Variants in ZFAT observed in about 807,000 individuals in gnomAD.
The protein encoded by ZFAT is zinc finger protein ZFAT.
Under a neutral mutation model 117.7 loss-of-function variants are expected in ZFAT, and 64 were observed. That is an observed-to-expected ratio of 0.54 (90% confidence interval 0.44 to 0.67). ZFAT has a LOEUF of 0.67. Among genes scored for constraint, ZFAT ranks in the 30% least tolerant of loss-of-function variants. ZFAT has a pLI of 0.00. For missense variants in ZFAT, 1,433 were observed against 1,584.5 expected (o/e 0.90, Z 1.62); for synonymous variants, 679 against 615.0 (o/e 1.10, Z -1.54).
chr8:134,559,575 T>C (rs981532011), intron 11 of ZFAT, among the ~76,000 whole-genome samples: 1 of 152,242 alleles, frequency 6.6e-6, no homozygotes, highest in African/African-American at 2.4e-5. Flanking sequence ...GAAGAACACA[T>C]GCATTTGCAA....
At chr8:134,575,002 C>T (rs1283053840) in intron 10 of ZFAT, among the ~76,000 whole-genome samples, 1 of 151,816 alleles carries the variant, frequency 6.6e-6, no homozygotes, top group Non-Finnish European at 1.5e-5. Flanking sequence ...AAAAAAGTGA[C>T]TTAATCTTTC....
intron 15 of ZFAT, among the ~76,000 whole-genome samples, chr8:134,507,389 CATTT>C (rs1490184415): frequency 2.6e-5 from 4 of 152,160 alleles, no homozygotes; most frequent in Non-Finnish European, 5.9e-5. Context: ...TCCTCTCTGT[CATTT>C]ATCAACAGCC....
the ZFAT span, among the ~76,000 whole-genome samples, chr8:134,738,932 T>C: frequency 9.4e-3 from 1,435 of 152,290 alleles, 9 homozygotes; most frequent in Middle Eastern, 0.017. Flanking sequence ...TCCCTAGTCC[T>C]TTTAGGAAAC....
chr8:134,531,889 A>G (rs1821446830), intron 12 of ZFAT, among the ~76,000 whole-genome samples: 1 of 152,194 alleles, frequency 6.6e-6, no homozygotes, highest in Admixed American at 6.5e-5. Flanking sequence ...CGCTGAAACA[A>G]AACTCCAAGC....
chr8:134,821,127 C>G, the ZFAT span, among the ~76,000 whole-genome samples: 1 of 152,108 alleles, frequency 6.6e-6, no homozygotes, highest in South Asian at 2.1e-4. Context: ...GAAAACTGTG[C>G]TATTTTATAC....
chr8:134,624,380 G>A (rs1829351307), intron 3 of ZFAT, among the ~76,000 whole-genome samples: 1 of 151,530 alleles, frequency 6.6e-6, no homozygotes, highest in Admixed American at 6.6e-5. Flanking sequence ...CTGTGGCCGG[G>A]CATGGTGGTT....
intron 9 of ZFAT, among the ~76,000 whole-genome samples, chr8:134,585,997 G>A (rs142663282): frequency 2.6e-4 from 39 of 152,208 alleles, no homozygotes; most frequent in South Asian, 2.5e-3. Flanking sequence ...AATTTTTTGG[G>A]TTTTTAAATT....
At chr8:134,713,134 C>T (rs2131376464), upstream of ZFAT, 2 of 367,252 alleles carry the variant, frequency 5.4e-6, no homozygotes, top group East Asian at 4.1e-5. Context: ...CAGGGCCGAG[C>T]TAACGCGCAT....
At chr8:134,619,464 C>T (rs529422851) in intron 3 of ZFAT, among the ~76,000 whole-genome samples, 1 of 152,120 alleles carries the variant, frequency 6.6e-6, no homozygotes, top group African/African-American at 2.4e-5. Flanking sequence ...CTCACAAACA[C>T]ATCTCACACA....
At chr8:134,727,998 C>T in the ZFAT span, among the ~76,000 whole-genome samples, 48 of 152,180 alleles carry the variant, frequency 3.2e-4, no homozygotes, top group Non-Finnish European at 5.4e-4. Flanking sequence ...GTGCTCCTGT[C>T]TCCTGGTACT....
chr8:134,797,957 T>TG, the ZFAT span: 63 of 151,578 alleles, frequency 4.2e-4, 1 homozygote, highest in African/African-American at 1.4e-3. Flanking sequence ...TTGCATAATA[T>TG]GTTGCACTGA....
chr8:134,578,043 G>A (rs901014334), intron 10 of ZFAT, among the ~76,000 whole-genome samples: 18 of 151,798 alleles, frequency 1.2e-4, no homozygotes, highest in Non-Finnish European at 2.2e-4. Flanking sequence ...CAGACAGGGG[G>A]AAAGAACACT....
intron 12 of ZFAT, among the ~76,000 whole-genome samples, chr8:134,523,955 T>C (rs1257643001): frequency 6.6e-6 from 1 of 152,248 alleles, no homozygotes; most frequent in African/African-American, 2.4e-5. Context: ...ATCTTCATTG[T>C]CCTTTCTCCC....
At chr8:134,664,647 C>T (rs572939134) in intron 1 of ZFAT, among the ~76,000 whole-genome samples, 6 of 152,332 alleles carry the variant, frequency 3.9e-5, no homozygotes, top group African/African-American at 1.4e-4. Flanking sequence ...ACAGAGAGGG[C>T]GCCGGGTCAG....
At chr8:134,815,872 A>G in the ZFAT span, among the ~76,000 whole-genome samples, 1 of 152,128 alleles carries the variant, frequency 6.6e-6, no homozygotes, top group African/African-American at 2.4e-5. Context: ...GCACTCTTTG[A>G]TTTTCTTTAC....
At chr8:134,497,344 A>G (rs1818526552) in intron 15 of ZFAT, among the ~76,000 whole-genome samples, 1 of 152,128 alleles carries the variant, frequency 6.6e-6, no homozygotes, top group East Asian at 1.9e-4. Context: ...GAGCCAGAGG[A>G]GGGGGACTGA....
At chr8:134,538,797 A>C (rs79335311) in intron 11 of ZFAT, among the ~76,000 whole-genome samples, 1 of 40,740 alleles carries the variant, frequency 2.5e-5, no homozygotes, top group African/African-American at 1.7e-4. Context: ...ACCCTGTCAC[A>C]AAAAAAAAAA....
Position 134,477,910 on chromosome 8 carries a change from T to C in ZFAT, c.*572A>G, listed in dbSNP as rs1357864745. 6.5e-6 allele frequency: 1 copy of C among 153,704 alleles called. No individual in the cohort carries two copies. The highest frequency in any genetic ancestry group is 1.4e-5 in the Non-Finnish European group (1 of 69,028). The allele number at this position is 153,704 out of a possible 1,614,324, so 9.5% of individuals were successfully genotyped here. ...AGGATGGTAGGGCGAGACCCTGTGA[T>C]GGGTGAATTTACCTCACTTGATACC... On this transcript the variant is annotated 3_prime_UTR_variant, in exon 16 of 16. Coordinates refer to ENST00000377838, the MANE Select transcript of ZFAT (RefSeq NM_020863.4).
the ZFAT span, among the ~76,000 whole-genome samples, chr8:134,738,224 T>C: frequency 6.6e-6 from 1 of 152,186 alleles, no homozygotes; most frequent in African/African-American, 2.4e-5. Context: ...TCAAGTTTCC[T>C]TGAATGGCCC....
Sources: gnomAD v4.1 joint callset for allele counts (sites outside exome capture counted in the v4.1 genomes callset) on GRCh38, gnomAD v4.1.1 for gene constraint, MANE v1.5 for transcripts, NCBI Gene and HGNC (gene_info 2026-07-23, HGNC 2026-07-21) for gene names.